Variants in ZNF469 observed in about 807,000 individuals in gnomAD.
The protein encoded by ZNF469 is zinc finger protein 469.
In ZNF469, 1 loss-of-function variant was observed where a neutral mutation model predicts 1.0. The ratio of observed to expected loss-of-function variants is 1.00; its 90% CI spans 0.35 to 4.73. The LOEUF (loss-of-function observed/expected upper bound fraction) is 4.73. ZNF469 is among the 30% of genes most tolerant of loss of function. ZNF469 has a pLI of 0.16. For synonymous variants in ZNF469, 2,703 were observed against 2,363.4 expected (o/e 1.14, Z -4.17); for missense variants, 6,100 against 5,356.3 (o/e 1.14, Z -4.33).
chr16:88,403,529 G>A (rs1399645808), intron 1 of ZNF469, among the ~76,000 whole-genome samples: 4 of 152,038 alleles, frequency 2.6e-5, no homozygotes, highest in East Asian at 1.9e-4. Context: ...GTCTGCAGCC[G>A]GGCCTGTGAG....
At chr16:88,205,698 T>C in the ZNF469 span, among the ~76,000 whole-genome samples, 1 of 152,194 alleles carries the variant, frequency 6.6e-6, no homozygotes, top group South Asian at 2.1e-4. This position sits in a 1 kb window ranked among gnomAD's most constrained non-coding sequence, Gnocchi z 4.2. Flanking sequence ...CGCGCCTCAC[T>C]GTCCCTGGTG....
At chr16:88,350,703 A>C in the ZNF469 span, among the ~76,000 whole-genome samples, 1 of 152,182 alleles carries the variant, frequency 6.6e-6, no homozygotes, top group Admixed American at 6.5e-5. Flanking sequence ...CAAGCTCCTC[A>C]ATGCTGAGCC....
the ZNF469 span, among the ~76,000 whole-genome samples, chr16:88,220,253 C>T: frequency 1.3e-5 from 2 of 152,220 alleles, no homozygotes; most frequent in African/African-American, 4.8e-5. Flanking sequence ...GCACTGCAGG[C>T]TCCCTTGTGT....
At chr16:88,128,256 CG>C in the ZNF469 span, among the ~76,000 whole-genome samples, 2 of 151,966 alleles carry the variant, frequency 1.3e-5, no homozygotes, top group African/African-American at 4.8e-5. Context: ...AGGCCTTTCT[CG>C]GGGGGCTGTC....
the ZNF469 span, among the ~76,000 whole-genome samples, chr16:88,306,659 A>C: frequency 6.6e-6 from 1 of 152,134 alleles, no homozygotes; most frequent in Non-Finnish European, 1.5e-5. Flanking sequence ...GTTGGAACGT[A>C]GCTCAGACGC....
the ZNF469 span, among the ~76,000 whole-genome samples, chr16:88,253,005 T>C: frequency 2.0e-5 from 3 of 152,350 alleles, no homozygotes; most frequent in African/African-American, 7.2e-5. Flanking sequence ...CATGGTGTTT[T>C]TGAGATTACG....
chr16:88,255,439 A>T, the ZNF469 span, among the ~76,000 whole-genome samples: 2 of 152,232 alleles, frequency 1.3e-5, no homozygotes, highest in Non-Finnish European at 2.9e-5. Context: ...TAATTTTTAG[A>T]GCAAAGTCTA....
the ZNF469 span, among the ~76,000 whole-genome samples, chr16:88,127,308 C>T: frequency 3.3e-5 from 5 of 152,150 alleles, no homozygotes; most frequent in South Asian, 2.1e-4. Flanking sequence ...ATGAGTTTGA[C>T]GTCATTCTCT....
At chr16:88,153,407 A>G in the ZNF469 span, among the ~76,000 whole-genome samples, 1 of 152,188 alleles carries the variant, frequency 6.6e-6, no homozygotes, top group Non-Finnish European at 1.5e-5. Context: ...ACACCTTGGT[A>G]TCGGTGATGC....
chr16:88,339,879 C>T, the ZNF469 span, among the ~76,000 whole-genome samples: 7 of 109,462 alleles, frequency 6.4e-5, no homozygotes, highest in African/African-American at 3.4e-4. Flanking sequence ...GACAGAGTGG[C>T]AGGGGGCCTG....
At chr16:88,140,586 T>A in the ZNF469 span, among the ~76,000 whole-genome samples, 1 of 152,194 alleles carries the variant, frequency 6.6e-6, no homozygotes, top group East Asian at 1.9e-4. Context: ...CAAAATATAC[T>A]CTAAAACTGT....
the ZNF469 span, among the ~76,000 whole-genome samples, chr16:88,117,142 T>C: frequency 1.3e-5 from 2 of 150,886 alleles, no homozygotes; most frequent in African/African-American, 4.9e-5. Flanking sequence ...GCCAGGGATA[T>C]GTGAGAGCTG....
At chr16:88,382,158 C>A (rs1008121788), upstream of ZNF469, among the ~76,000 whole-genome samples, 1 of 152,256 alleles carries the variant, frequency 6.6e-6, no homozygotes, top group African/African-American at 2.4e-5. Context: ...CGTAACGCTG[C>A]ACCCCTGCCC....
At chr16:88,326,156 C>T in the ZNF469 span, among the ~76,000 whole-genome samples, 2 of 152,198 alleles carry the variant, frequency 1.3e-5, no homozygotes, top group African/African-American at 4.8e-5. Flanking sequence ...TCTTGAATTC[C>T]CACATGTTGT....
chr16:88,325,080 G>T, the ZNF469 span, among the ~76,000 whole-genome samples: 1 of 152,118 alleles, frequency 6.6e-6, no homozygotes, highest in South Asian at 2.1e-4. Context: ...GCTTCTGGTT[G>T]AGATCACATC....
the ZNF469 span, among the ~76,000 whole-genome samples, chr16:88,175,427 T>C: frequency 7.2e-5 from 11 of 152,358 alleles, no homozygotes; most frequent in Non-Finnish European, 1.6e-4. Context: ...CAAAGTGGAC[T>C]ATATTCTGGG....
At chr16:88,408,878 C>A (rs1383285557) in intron 1 of ZNF469, among the ~76,000 whole-genome samples, 1 of 152,208 alleles carries the variant, frequency 6.6e-6, no homozygotes, top group Non-Finnish European at 1.5e-5. Flanking sequence ...CATTTCTTCC[C>A]TACTTTTTCT....
At chr16:88,296,326 T>G in the ZNF469 span, among the ~76,000 whole-genome samples, 1 of 152,212 alleles carries the variant, frequency 6.6e-6, no homozygotes, top group Non-Finnish European at 1.5e-5. Flanking sequence ...TCCAGCTGCG[T>G]GGGGGTGGGG....
chr16:88,292,123 G>A, the ZNF469 span, among the ~76,000 whole-genome samples: 1 of 152,204 alleles, frequency 6.6e-6, no homozygotes, highest in East Asian at 1.9e-4. Context: ...GGGGCCTGGA[G>A]AATGGAGCAA....
Sources: allele counts gnomAD v4.1 joint callset (sites outside exome capture counted in the v4.1 genomes callset), GRCh38; gene constraint gnomAD v4.1.1; non-coding constraint Gnocchi (gnomAD v3.1); transcripts MANE v1.5; gene names NCBI Gene and HGNC (gene_info 2026-07-23, HGNC 2026-07-21).